Variants in ERC2 observed in about 807,000 individuals in gnomAD.
ERC2 encodes ERC protein 2.
ERC2 carries 42 observed loss-of-function variants against 114.8 expected under a neutral mutation model. The ratio of observed to expected loss-of-function variants is 0.37; its 90% CI spans 0.29 to 0.47. The LOEUF is 0.47. ERC2 is among the 20% of genes least tolerant of loss of function. The pLI, the probability that ERC2 is intolerant of heterozygous loss-of-function variation, is 0.99. For missense variants in ERC2, 939 were observed against 1,150.7 expected (o/e 0.82, Z 2.66); for synonymous variants, 454 against 425.5 (o/e 1.07, Z -0.82).
Position 56,434,574 on chromosome 3 carries a change from C to T in ERC2, c.434G>A (p.Ser145Asn), listed in dbSNP as rs745746291. The T allele has an allele frequency of 6.8e-5, 110 of 1,613,852 alleles. No individual in the cohort carries two copies. The highest frequency in any genetic ancestry group is 8.9e-5 in the Non-Finnish European group (105 of 1,179,898). ...VPSMLRQVRD[S>N]TMLDLQAQLK... Reference sequence around the variant, plus strand: ...CTGGGCCTGAAGATCTAACATTGTGCTGTCTCTTACCTGCCTCAACATGGA... The same window carrying T: ...CTGGGCCTGAAGATCTAACATTGTGTTGTCTCTTACCTGCCTCAACATGGA... The change falls in exon 2 of 18, where the codon AGC becomes AAC. Residue 145 changes from serine (S) to asparagine (N), a missense_variant. By Grantham distance (46) the Ser-to-Asn change is conservative. Transcript: ENST00000288221.
intron 7 of ERC2, among the ~76,000 whole-genome samples, chr3:56,062,779 T>C (rs1347904154): frequency 6.6e-6 from 1 of 152,098 alleles, no homozygotes; most frequent in Non-Finnish European, 1.5e-5. Context: ...CATCAAAGGC[T>C]CTGGATTCTG....
At chr3:55,925,502 G>A (rs1203469776) in intron 13 of ERC2, among the ~76,000 whole-genome samples, 1 of 152,186 alleles carries the variant, frequency 6.6e-6, no homozygotes, top group Non-Finnish European at 1.5e-5. Context: ...GCAATTAGAT[G>A]TGAGAACAGG....
intron 17 of ERC2, among the ~76,000 whole-genome samples, chr3:55,671,724 A>G (rs973504124): frequency 6.6e-6 from 1 of 152,180 alleles, no homozygotes; most frequent in Non-Finnish European, 1.5e-5. Context: ...GCGGTTGTCC[A>G]GGCTTCGTGT....
chr3:55,834,866 GAAGAA>G (rs771537903), intron 14 of ERC2, among the ~76,000 whole-genome samples: 36 of 142,040 alleles, frequency 2.5e-4, no homozygotes, highest in Non-Finnish European at 4.7e-4. Flanking sequence ...GACTAATAAA[GAAGAA>G]AAGAGAGAAG....
chr3:56,102,139 C>G (rs1330981984), intron 6 of ERC2, among the ~76,000 whole-genome samples: 2 of 152,186 alleles, frequency 1.3e-5, no homozygotes, highest in African/African-American at 4.8e-5. Flanking sequence ...AGACTAAACA[C>G]TGGAATCGCA....
chr3:55,747,594 A>G (rs1345772654), intron 14 of ERC2, among the ~76,000 whole-genome samples: 2 of 152,264 alleles, frequency 1.3e-5, no homozygotes, highest in East Asian at 1.9e-4. Flanking sequence ...TTAAAACGCC[A>G]CTATGAAAAC....
chr3:56,171,504 T>C (rs900500645), intron 4 of ERC2, among the ~76,000 whole-genome samples: 6 of 152,158 alleles, frequency 3.9e-5, no homozygotes, highest in African/African-American at 1.4e-4. Flanking sequence ...GTCCTAAAAA[T>C]ACAAATGCCT....
chr3:55,777,444 A>G (rs994903738), intron 14 of ERC2, among the ~76,000 whole-genome samples: 1 of 152,216 alleles, frequency 6.6e-6, no homozygotes, highest in African/African-American at 2.4e-5. Context: ...AAAGTCCAGA[A>G]ACAAAAGTGG....
At chr3:55,770,735 T>C (rs1253962111) in intron 14 of ERC2, among the ~76,000 whole-genome samples, 1 of 152,146 alleles carries the variant, frequency 6.6e-6, no homozygotes, top group Non-Finnish European at 1.5e-5. Flanking sequence ...CCATGGTGGT[T>C]TGCTGCACCC....
Position 56,040,713 on chromosome 3 carries a change from G to C in ERC2, c.1642-21682C>G, listed in dbSNP as rs1206170552. Among the ~76,000 whole-genome samples, 4 of 115,388 alleles carry C rather than the reference G, an allele frequency of 3.5e-5. No homozygotes were observed. The East Asian group carries it at 1.1e-3, about 33-fold the overall frequency. 75.7% of individuals were successfully genotyped at this position (115,388 alleles called of 152,430 possible). Reference sequence around the variant, plus strand: ...CTATATAGAGAGAGATATATAGAGAGAGATACATATAGATATATCTCTATA... The same window carrying C: ...CTATATAGAGAGAGATATATAGAGACAGATACATATAGATATATCTCTATA... On this transcript the variant is annotated intron_variant, in intron 7 of 17. Coordinates refer to ENST00000288221, the MANE Select transcript of ERC2 (RefSeq NM_015576.3).
intron 14 of ERC2, among the ~76,000 whole-genome samples, chr3:55,808,786 G>T (rs558204459): frequency 7.1e-6 from 1 of 140,394 alleles, no homozygotes; most frequent in African/African-American, 2.7e-5. Flanking sequence ...AATTGTGAGA[G>T]AATATGACTC....
chr3:56,466,465 A>G (rs762361001), intron 1 of ERC2, among the ~76,000 whole-genome samples: 3 of 152,188 alleles, frequency 2.0e-5, no homozygotes, highest in Non-Finnish European at 4.4e-5. Context: ...GGTGAAAACC[A>G]TGACACCATC....
chr3:55,541,703 C>CA (rs2054405727), intron 17 of ERC2, among the ~76,000 whole-genome samples: 1 of 152,232 alleles, frequency 6.6e-6, no homozygotes, highest in African/African-American at 2.4e-5. Flanking sequence ...ACACAGAATC[C>CA]AAAAATTGTG....
intron 7 of ERC2, among the ~76,000 whole-genome samples, chr3:56,041,302 G>A (rs2075177966): frequency 1.3e-5 from 2 of 152,108 alleles, no homozygotes; most frequent in South Asian, 4.1e-4. Flanking sequence ...GAGTGGAAGA[G>A]TCTCCTCCCC....
rs114426204 is a variant in ERC2 at position 56,057,623 on chromosome 3, C to A, written c.1641+23194G>T. Among the ~76,000 whole-genome samples, 854 of 152,314 alleles carry A rather than the reference C, an allele frequency of 5.6e-3. 9 individuals are homozygous for A. Among genetic ancestry groups the A allele is most frequent in the African/African-American group, 0.019 (790 of 41,560 alleles). ...TAAACTGGAATCCAAACAGTACCTA[C>A]CTCACTGACATGTGGGTGTTGTGAA... On this transcript the variant is annotated intron_variant, in intron 7 of 17. Coordinates refer to ENST00000288221, the MANE Select transcript of ERC2 (RefSeq NM_015576.3).
At chr3:56,247,906 T>G (rs1304394034) in intron 3 of ERC2, among the ~76,000 whole-genome samples, 2 of 152,232 alleles carry the variant, frequency 1.3e-5, no homozygotes, top group Non-Finnish European at 2.9e-5. Context: ...AAAACTCATG[T>G]AAAGAGTTTA....
intron 17 of ERC2, among the ~76,000 whole-genome samples, chr3:55,556,042 G>A (rs2055583922): frequency 6.6e-6 from 1 of 152,136 alleles, no homozygotes; most frequent in Non-Finnish European, 1.5e-5. Flanking sequence ...AACTCCCGGG[G>A]CAGGAGGAAG....
intron 17 of ERC2, among the ~76,000 whole-genome samples, chr3:55,611,321 G>T (rs540100384): frequency 7.9e-4 from 120 of 152,228 alleles, no homozygotes; most frequent in African/African-American, 2.7e-3. Flanking sequence ...GAGCTAATTA[G>T]TTGTATCTAC....
At chr3:55,674,657 G>C (rs1189080639) in intron 17 of ERC2, among the ~76,000 whole-genome samples, 2 of 152,138 alleles carry the variant, frequency 1.3e-5, no homozygotes, top group African/African-American at 4.8e-5. Flanking sequence ...CCACATATGG[G>C]AGTCTGCCTT....
Sources: gnomAD v4.1 joint callset for allele counts (sites outside exome capture counted in the v4.1 genomes callset) on GRCh38, gnomAD v4.1.1 for gene constraint, MANE v1.5 for transcripts, NCBI Gene and HGNC (gene_info 2026-07-23, HGNC 2026-07-21) for gene names.